The following S100A7A variants were observed in gnomAD, a reference collection of about 807,000 sequenced individuals.
The protein encoded by S100A7A is S100 calcium binding protein A7A, also known as protein S100-A7A.
In S100A7A, 5 loss-of-function variants were observed where a neutral mutation model predicts 4.0. That is an observed-to-expected ratio of 1.26 (90% CI 0.66 to 2.66). The LOEUF is 2.66. Among genes scored for constraint, S100A7A ranks in the 30% most tolerant of loss-of-function variants. The probability of loss-of-function intolerance (pLI) is 0.01; values close to 1 mark genes in which losing one functional copy is unlikely to be tolerated. For missense variants in S100A7A, 159 were observed against 125.1 expected (o/e 1.27, Z -1.29); for synonymous variants, 52 against 46.4 (o/e 1.12, Z -0.49).
Position 153,422,520 on chromosome 1 carries a change from T to C in S100A7A, c.*3211T>C. ...GACAGCTCTATGCCCACACTCACAT[T>C]ACAGCTGATGTGAAAGAGATTCTGG... On this transcript the variant is annotated 3_prime_UTR_variant, in exon 3 of 3. Coordinates refer to ENST00000368729, the MANE Select transcript of S100A7A (RefSeq NM_176823.4). The C allele has an allele frequency of 7.1e-6, 7 of 985,218 alleles. No homozygotes were observed. Among genetic ancestry groups the C allele is most frequent in the Non-Finnish European group, 7.2e-6 (6 of 829,736 alleles). The allele number at this position is 985,218 out of a possible 1,614,324, so 61.0% of individuals were successfully genotyped here.
Position 153,420,564 on chromosome 1 carries a change from G to A in S100A7A, c.*1255G>A, listed in dbSNP as rs1263770942. 1.3e-5 allele frequency: 2 copies of A among 152,170 alleles called. No homozygotes were observed. The highest frequency in any genetic ancestry group is 2.9e-5 in the Non-Finnish European group (2 of 68,076). 9.4% of individuals were successfully genotyped at this position (152,170 alleles called of 1,614,324 possible). A position where few individuals can be genotyped will look rare whatever the true frequency, so the allele number is the denominator to read the frequency against. ...GGGCTATTTGTTCTTTGGAATGACT[G>A]CTCCACTCCACACTCACACCTCTAT... On this transcript the variant is annotated 3_prime_UTR_variant, in exon 3 of 3. Coordinates refer to ENST00000368729, the MANE Select transcript of S100A7A (RefSeq NM_176823.4).
intron 2 of S100A7A, among the ~76,000 whole-genome samples, chr1:153,418,835 A>C (rs1368516529): frequency 1.3e-5 from 2 of 152,156 alleles, no homozygotes; most frequent in African/African-American, 4.8e-5. Flanking sequence ...AGTGCCCTTA[A>C]ATGCTGGGAA....
rs1480839022 is a variant in S100A7A, at chr1:153,421,494, A to C, written c.*2185A>C. ...GTACTCTATATCATTTTTCAATATA[A>C]AATGTATTTGTGCAAATTCTAGTCA... On this transcript the variant is annotated 3_prime_UTR_variant, in exon 3 of 3. Coordinates refer to ENST00000368729, the MANE Select transcript of S100A7A (RefSeq NM_176823.4). 1.3e-5 allele frequency: 2 copies of C among 152,218 alleles called. No individual in the cohort carries two copies. Among genetic ancestry groups the C allele is most frequent in the Non-Finnish European group, 2.9e-5 (2 of 68,048 alleles). 9.4% of individuals were successfully genotyped at this position (152,218 alleles called of 1,614,324 possible). A position where few individuals can be genotyped will look rare whatever the true frequency, so the allele number is the denominator to read the frequency against.
Position 153,423,015 on chromosome 1 carries a change from A to ATACTT in S100A7A, c.*3708_*3712dup, listed in dbSNP as rs1409708208. ...TTGATTCATCACAGATTTTATATAT[A>ATACTT]TACTTTTTTTTAACTAAGTGTGAGA... On this transcript the variant is annotated 3_prime_UTR_variant, in exon 3 of 3. Transcript: ENST00000368729. 6.6e-6 allele frequency: 1 copy of ATACTT among 152,148 alleles called. No homozygotes were observed. Among genetic ancestry groups the ATACTT allele is most frequent in the Non-Finnish European group, 1.5e-5 (1 of 68,018 alleles). The allele number at this position is 152,148 out of a possible 1,614,324, so 9.4% of individuals were successfully genotyped here. A position where few individuals can be genotyped will look rare whatever the true frequency, so the allele number is the denominator to read the frequency against.
chr1:153,422,772 T>G lies in S100A7A; in HGVS notation c.*3463T>G, dbSNP rs1355672421. The G allele has an allele frequency of 6.6e-6, 1 of 152,276 alleles. No homozygotes were observed. Among genetic ancestry groups the G allele is most frequent in the Non-Finnish European group, 1.5e-5 (1 of 68,132 alleles). The allele number at this position is 152,276 out of a possible 1,614,324, so 9.4% of individuals were successfully genotyped here. A position where few individuals can be genotyped will look rare whatever the true frequency, so the allele number is the denominator to read the frequency against. On this transcript the variant is annotated 3_prime_UTR_variant, in exon 3 of 3. Transcript: ENST00000368729. ...CCCCCACATGCAGGTGGTTTTTCAG[T>G]AGGCTCCTGAAGAGTGATCTCAACT...
chr1:153,419,019 C>G, intron 2 of S100A7A, 126 bp from the exon 3 acceptor site: 1 of 1,009,522 alleles, frequency 9.9e-7, no homozygotes, highest in South Asian at 1.6e-5. Context: ...CCTGTGCTCT[C>G]AGCCCCACGA....
chr1:153,419,713 T>C lies in S100A7A; in HGVS notation c.*404T>C, dbSNP rs1662845773. On this transcript the variant is annotated 3_prime_UTR_variant, in exon 3 of 3. Coordinates refer to ENST00000368729, the MANE Select transcript of S100A7A (RefSeq NM_176823.4). ...ATACTGCACTGAGAAGGAGCTGGCA[T>C]CTCTCAGTGTGCTCCTGCCCTCCCA... The C allele has an allele frequency of 5.9e-6, 1 of 168,786 alleles. No homozygotes were observed. Among genetic ancestry groups the C allele is most frequent in the South Asian group, 1.9e-4 (1 of 5,312 alleles). The allele number at this position is 168,786 out of a possible 1,614,324, so 10.5% of individuals were successfully genotyped here.
intron 1 of S100A7A, 132 bp from the exon 2 acceptor site, chr1:153,417,934 T>C (rs1557857167): frequency 1.9e-6 from 2 of 1,069,514 alleles, no homozygotes; most frequent in South Asian, 3.3e-5. Flanking sequence ...CCCATCACAT[T>C]TAAAAAAATC....
rs1301077565 is a variant in S100A7A at position 153,418,226 on chromosome 1, G to A, written c.141+3G>A. 9 of 1,613,864 alleles carry A rather than the reference G, an allele frequency of 5.6e-6. No individual in the cohort carries two copies. The highest frequency in any genetic ancestry group is 2.2e-5 in the East Asian group (1 of 44,890). Reference sequence around the variant, plus strand: ...TCCCCAATTTCCTCAGTGCCTGTGTGAGTTGGGGTCTAGCTTCTCAATGTT... The same window carrying A: ...TCCCCAATTTCCTCAGTGCCTGTGTAAGTTGGGGTCTAGCTTCTCAATGTT... On this transcript the variant is annotated splice_donor_region_variant and intron_variant, in intron 2 of 2. Transcript: ENST00000368729.
At chr1:153,418,887 G>A (rs1662815904) in intron 2 of S100A7A, among the ~76,000 whole-genome samples, 6 of 152,270 alleles carry the variant, frequency 3.9e-5, no homozygotes, top group South Asian at 2.1e-4. Context: ...CTCTCCCCAA[G>A]GTCACTTAAC....
rs1445307509 is a variant in S100A7A, at chr1:153,419,773, A to C, written c.*464A>C. On this transcript the variant is annotated 3_prime_UTR_variant, in exon 3 of 3. Coordinates refer to ENST00000368729, the MANE Select transcript of S100A7A (RefSeq NM_176823.4). ...CAGCTGTTCTCCAGGGCTTGGGGAA[A>C]CAGAAACCACTCACATAGGGATTCC... The C allele has an allele frequency of 6.4e-6, 1 of 157,380 alleles. No homozygotes were observed. The highest frequency in any genetic ancestry group is 2.4e-5 in the African/African-American group (1 of 41,576). The allele number at this position is 157,380 out of a possible 1,614,324, so 9.7% of individuals were successfully genotyped here.
chr1:153,418,872 G>A (rs562862740), intron 2 of S100A7A, among the ~76,000 whole-genome samples: 2 of 152,260 alleles, frequency 1.3e-5, no homozygotes, highest in African/African-American at 4.8e-5. Flanking sequence ...TGGGGCAGGG[G>A]ACTGCTCTCC....
chr1:153,418,665 C>T (rs945143743), intron 2 of S100A7A, among the ~76,000 whole-genome samples: 5 of 152,090 alleles, frequency 3.3e-5, no homozygotes, highest in African/African-American at 4.8e-5. Context: ...TCTGAAAAAA[C>T]CTGTGGGCTA....
Position 153,421,426 on chromosome 1 carries a change from G to T in S100A7A, c.*2117G>T, listed in dbSNP as rs997565834. 2.0e-5 allele frequency: 3 copies of T among 152,204 alleles called. No individual in the cohort carries two copies. The highest frequency in any genetic ancestry group is 7.2e-5 in the African/African-American group (3 of 41,452). 9.4% of individuals were successfully genotyped at this position (152,204 alleles called of 1,614,324 possible). On this transcript the variant is annotated 3_prime_UTR_variant, in exon 3 of 3. Transcript: ENST00000368729. ...AAAACATTGTTACCTCGGATCTCCT[G>T]GTTACCCAGCACATAGTAGTACTGG...
intron 1 of S100A7A, 83 bp from the exon 2 acceptor site, chr1:153,417,983 G>C: frequency 1.3e-6 from 2 of 1,539,028 alleles, no homozygotes; most frequent in Non-Finnish European, 1.8e-6. Context: ...TTTTTACTCT[G>C]TCCTCAGCCC....
intron 1 of S100A7A, among the ~76,000 whole-genome samples, chr1:153,416,978 C>G (rs1292190278): frequency 1.3e-5 from 2 of 152,060 alleles, no homozygotes; most frequent in Non-Finnish European, 2.9e-5. Flanking sequence ...CTCCAAACCC[C>G]CAGGCCTTGG....
At chr1:153,417,363 C>G (rs980257128) in intron 1 of S100A7A, 1 of 152,266 alleles carries the variant, frequency 6.6e-6, no homozygotes, top group Non-Finnish European at 1.5e-5. Context: ...GAAGCGACTC[C>G]CACCTCACTC....
rs572928008 is a variant in S100A7A at position 153,417,459 on chromosome 1, T to C, written c.-17-607T>C. On this transcript the variant is annotated intron_variant, in intron 1 of 2. Coordinates refer to ENST00000368729, the MANE Select transcript of S100A7A (RefSeq NM_176823.4). Reference sequence around the variant, plus strand: ...TTCTTGTTTCTCATTCCCAAGGGAATGTAGGAAGGGCCCCCTGTCCTCGGG... The same window carrying C: ...TTCTTGTTTCTCATTCCCAAGGGAACGTAGGAAGGGCCCCCTGTCCTCGGG... Among the ~76,000 whole-genome samples the C allele has an allele frequency of 4.6e-5, 7 of 152,286 alleles. No homozygotes were observed. In the South Asian group the frequency reaches 1.2e-3, roughly 27 times the overall value.
chr1:153,419,260 A>G lies in S100A7A; in HGVS notation c.257A>G (p.Tyr86Cys), dbSNP rs1662830470. The G allele has an allele frequency of 6.2e-7, 1 of 1,614,216 alleles. No individual in the cohort carries two copies. The highest frequency in any genetic ancestry group is 8.5e-7 in the Non-Finnish European group (1 of 1,180,038). ...TTGCTGGGAGACATAGCCGCAGACT[A>G]CCACAAGCAGAGCCATGGAGCGGCG... Reference protein sequence around the residue: ...LSLLGDIAADYHKQSHGAAPC... With the variant: ...LSLLGDIAADCHKQSHGAAPC... Residue 86 changes from tyrosine to cysteine, a missense_variant, in exon 3 of 3, where the codon TAC (tyrosine) becomes TGC (cysteine). Tyr to Cys is a radical substitution (Grantham distance 194, BLOSUM62 -2). Transcript: ENST00000368729.
Sources: gnomAD v4.1 joint callset for allele counts (sites outside exome capture counted in the v4.1 genomes callset) on GRCh38, gnomAD v4.1.1 for gene constraint, MANE v1.5 for transcripts, NCBI Gene and HGNC (gene_info 2026-07-23, HGNC 2026-07-21) for gene names.